Variants in TEKT1 observed in about 807,000 individuals in gnomAD.
TEKT1 encodes the protein tektin-1.
A neutral mutation model predicts 34.8 loss-of-function variants in TEKT1; 32 were observed. The observed-to-expected ratio is 0.92, with a 90% confidence interval of 0.69 to 1.23. The LOEUF (loss-of-function observed/expected upper bound fraction) is 1.23, where lower values mean the gene tolerates loss of function less well. TEKT1 is among the 50% of genes most tolerant of loss of function. The pLI is 0.00. For synonymous variants in TEKT1, 207 were observed against 199.8 expected, an observed-to-expected ratio of 1.04 and a Z score of -0.30; for missense variants, 492 against 518.5, an observed-to-expected ratio of 0.95 and a Z score of 0.50.
At chr17:6,808,495 C>T (rs1976880819) in intron 6 of TEKT1, among the ~76,000 whole-genome samples, 1 of 152,148 alleles carries the variant, frequency 6.6e-6, no homozygotes, top group African/African-American at 2.4e-5. Context: ...TTCCGACACT[C>T]CCCAGTGAGA....
intron 4 of TEKT1, 104 bp downstream of exon 4, chr17:6,815,730 T>G: frequency 6.6e-7 from 1 of 1,519,512 alleles, no homozygotes; most frequent in Non-Finnish European, 8.9e-7. Context: ...GGAGCGGGAA[T>G]GTTGAACCCC....
At chr17:6,800,686 G>A in intron 7 of TEKT1, 61 bp downstream of exon 7, 2 of 1,544,902 alleles carry the variant, frequency 1.3e-6, no homozygotes, top group South Asian at 2.5e-5. Flanking sequence ...TCTAGCCTCT[G>A]CTTGATATCC....
At chr17:6,818,026 A>G (rs1365501179) in intron 3 of TEKT1, among the ~76,000 whole-genome samples, 2 of 152,130 alleles carry the variant, frequency 1.3e-5, no homozygotes, top group African/African-American at 4.8e-5. Flanking sequence ...GTTTAAGCTT[A>G]TGGAAGGAAC....
chr17:6,830,045 T>G, intron 2 of TEKT1, 142 bp downstream of exon 2: 1 of 849,170 alleles, frequency 1.2e-6, no homozygotes, highest in Non-Finnish European at 1.7e-6. Flanking sequence ...GGCAGTGAAC[T>G]TAAACATAGA....
At chr17:6,813,122 G>A (rs1239564918) in intron 5 of TEKT1, 69 bp from the exon 6 acceptor site, 14 of 1,305,964 alleles carry the variant, frequency 1.1e-5, no homozygotes, top group East Asian at 7.1e-5. Context: ...AGAGAGGGAC[G>A]AGCTACACCT....
chr17:6,809,051 A>G (rs1182801370), intron 6 of TEKT1, among the ~76,000 whole-genome samples: 3 of 152,244 alleles, frequency 2.0e-5, no homozygotes, highest in Non-Finnish European at 4.4e-5. Context: ...AGCAGAAAGT[A>G]GAATTCCCAT....
Position 6,803,344 on chromosome 17 carries a change from A to G in TEKT1, c.853-2401T>C, listed in dbSNP as rs1425995733. ...TTGTAAATTTGTTGGAGTTCATTCT[A>G]GATTCTGGATATTAGCCCTTTGTCA... On this transcript the variant is annotated intron_variant, in intron 6 of 7. Transcript: ENST00000338694. Among the ~76,000 whole-genome samples, 3 of 152,056 alleles carry G rather than the reference A, an allele frequency of 2.0e-5. No homozygotes were observed. In the East Asian group the frequency reaches 5.8e-4, roughly 29 times the overall value.
chr17:6,809,328 T>G (rs1249907938), intron 6 of TEKT1, among the ~76,000 whole-genome samples: 2 of 152,100 alleles, frequency 1.3e-5, no homozygotes, highest in Admixed American at 1.3e-4. Flanking sequence ...GCCTCCTAGG[T>G]TCAAGCAATT....
At position 6,831,026 on chromosome 17, in the gene TEKT1, AAGGAGG is replaced by A. The variant is rs57509315; in HGVS notation, c.-18+617_-18+622del. Among the ~76,000 whole-genome samples the A allele has an allele frequency of 5.0e-3, 755 of 149,982 alleles. 12 individuals are homozygous for A. The highest frequency in any genetic ancestry group is 0.016 in the African/African-American group (628 of 40,374). ...GAAGAAGAAAAAGAAGAGGAAGAAGAAGGAGGAGGAGGAGGAGGAGGAGGAGGAAAT... is the reference window on the plus strand; with the variant it reads ...GAAGAAGAAAAAGAAGAGGAAGAAGAAGGAGGAGGAGGAGGAGGAGGAAAT... On this transcript the variant is annotated intron_variant, in intron 1 of 7. Coordinates refer to ENST00000338694, the MANE Select transcript of TEKT1 (RefSeq NM_053285.2).
In TEKT1 at chr17:6,815,891, A is replaced by G. The variant is rs755403050; in HGVS notation, c.428T>C (p.Ile143Thr). The G allele has an allele frequency of 6.2e-7, 1 of 1,614,080 alleles. No homozygotes were observed. The highest frequency in any genetic ancestry group is 1.3e-5 in the African/African-American group (1 of 74,932). ...EHELIKEAEI[I>T]QGIMALLTRT... ...GGTCAGCAGAGCCATAATGCCCTGG[A>G]TGATCTCAGCCTCCTTTATCAGCTC... Residue 143 changes from isoleucine (I) to threonine (T), a missense_variant, in exon 4 of 8, where the codon ATC (isoleucine) becomes ACC (threonine). Physicochemically the swap from Ile to Thr is moderately conservative, Grantham distance 89. Transcript: ENST00000338694.
chr17:6,828,963 C>T (rs1370965733), intron 2 of TEKT1, among the ~76,000 whole-genome samples: 1 of 151,846 alleles, frequency 6.6e-6, no homozygotes, highest in Non-Finnish European at 1.5e-5. Context: ...CCAGCCTGGC[C>T]AACATGATGA....
intron 5 of TEKT1, among the ~76,000 whole-genome samples, chr17:6,813,839 T>C (rs567215174): frequency 5.9e-5 from 9 of 152,156 alleles, no homozygotes; most frequent in African/African-American, 2.2e-4. Flanking sequence ...CTTTGTGTAA[T>C]CCCCTCGCCT....
At position 6,831,660 on chromosome 17, in the gene TEKT1, A is replaced by G. The variant is rs1904577042; in HGVS notation, c.-29T>C. 2.6e-5 allele frequency: 4 copies of G among 152,192 alleles called. No individual in the cohort carries two copies. Among genetic ancestry groups the G allele is most frequent in the Admixed American group, 6.5e-5 (1 of 15,276 alleles). 9.4% of individuals were successfully genotyped at this position (152,192 alleles called of 1,614,324 possible). On this transcript the variant is annotated 5_prime_UTR_variant, in exon 1 of 8. Coordinates refer to ENST00000338694, the MANE Select transcript of TEKT1 (RefSeq NM_053285.2). Reference sequence around the variant, plus strand: ...CATGGTTTACTTACCTCAGCGCCACACAGAACCACTACGCAAGCTCGGGAT... The same window carrying G: ...CATGGTTTACTTACCTCAGCGCCACGCAGAACCACTACGCAAGCTCGGGAT...
intron 1 of TEKT1, 87 bp downstream of exon 1, chr17:6,831,562 T>G (rs73976293): frequency 0.072 from 10,999 of 152,018 alleles, 520 homozygotes; most frequent in Middle Eastern, 0.15. Flanking sequence ...GGACCTAAAT[T>G]AGGGCTCATC....
chr17:6,822,546 A>G (rs1306878564), intron 2 of TEKT1, among the ~76,000 whole-genome samples: 1 of 151,060 alleles, frequency 6.6e-6, no homozygotes, highest in Non-Finnish European at 1.5e-5. Context: ...CTTTTTTCCC[A>G]CTTTCTGGAT....
chr17:6,816,954 G>GT, intron 3 of TEKT1, among the ~76,000 whole-genome samples: 1 of 152,156 alleles, frequency 6.6e-6, no homozygotes. Context: ...TCTCATTGTG[G>GT]TTTTGATTTG....
chr17:6,817,305 G>T lies in TEKT1; in HGVS notation c.357-1343C>A, dbSNP rs547422244. Among the ~76,000 whole-genome samples the T allele has an allele frequency of 2.2e-4, 34 of 152,188 alleles. 1 individual carries two copies. The South Asian group carries it at 6.9e-3, about 31-fold the overall frequency. On this transcript the variant is annotated intron_variant, in intron 3 of 7. Coordinates refer to ENST00000338694, the MANE Select transcript of TEKT1 (RefSeq NM_053285.2). The stretch of plus-strand genomic sequence containing the variant: ...CAGGAGAATCATTTGAACCCGGGAG[G>T]TGGAGGTTTCGGTGGGCCGAGATTG...
intron 2 of TEKT1, among the ~76,000 whole-genome samples, chr17:6,824,139 C>T (rs559592562): frequency 6.6e-6 from 1 of 152,196 alleles, no homozygotes; most frequent in African/African-American, 2.4e-5. Context: ...CATCTTTTGG[C>T]TTTCATAACC....
chr17:6,801,062 G>A, intron 6 of TEKT1, 119 bp from the exon 7 acceptor site: 1 of 973,100 alleles, frequency 1.0e-6, no homozygotes. Context: ...TTCTTCTTAA[G>A]CAGCATGCCA....
Sources: gnomAD v4.1 joint callset for allele counts (sites outside exome capture counted in the v4.1 genomes callset) on GRCh38, gnomAD v4.1.1 for gene constraint, MANE v1.5 for transcripts, NCBI Gene and HGNC (gene_info 2026-07-23, HGNC 2026-07-21) for gene names.